ANO1: variants seen among roughly 807,000 people sequenced by gnomAD.
The protein encoded by ANO1 is anoctamin 1, also known as anoctamin-1.
In ANO1, 59 loss-of-function variants were observed where a neutral mutation model predicts 124.0. That is an observed-to-expected ratio of 0.48 (90% CI 0.39 to 0.59). The LOEUF is 0.59. ANO1 is among the 20% of genes least tolerant of loss of function. The pLI, the probability that ANO1 is intolerant of heterozygous loss-of-function variation, is 0.00. For missense variants in ANO1, 1,059 were observed against 1,328.0 expected (o/e 0.80, Z 3.15); for synonymous variants, 529 against 532.0 (o/e 0.99, Z 0.08).
intron 22 of ANO1, among the ~76,000 whole-genome samples, chr11:70,171,791 AC>A (rs1269049601): frequency 6.6e-6 from 1 of 152,042 alleles, no homozygotes; most frequent in East Asian, 1.9e-4. Context: ...ACATGACGAA[AC>A]CCTGTCTCTA....
At chr11:70,035,016 G>A (rs1291954194) in intron 1 of ANO1, among the ~76,000 whole-genome samples, 2 of 151,944 alleles carry the variant, frequency 1.3e-5, no homozygotes, top group Non-Finnish European at 2.9e-5. Flanking sequence ...GGGCTCCTAT[G>A]TTGGGGGACC....
intron 1 of ANO1, among the ~76,000 whole-genome samples, chr11:70,034,718 G>A (rs1284402746): frequency 2.6e-5 from 4 of 152,106 alleles, no homozygotes; most frequent in African/African-American, 9.7e-5. Flanking sequence ...TGAGCAGAGA[G>A]CTAAGGCACT....
chr11:70,182,966 G>A (rs1014116362), intron 24 of ANO1, among the ~76,000 whole-genome samples: 6 of 152,022 alleles, frequency 3.9e-5, no homozygotes, highest in African/African-American at 1.2e-4. Context: ...TTAAATAGCC[G>A]GGCGTTGTGG....
intron 1 of ANO1, among the ~76,000 whole-genome samples, chr11:69,989,439 G>A (rs369484221): frequency 1.5e-4 from 22 of 151,610 alleles, no homozygotes; most frequent in African/African-American, 3.9e-4. Flanking sequence ...GCCCCAGCAC[G>A]TGCGTCTTCT....
At chr11:70,031,805 A>G (rs1231444128) in intron 1 of ANO1, among the ~76,000 whole-genome samples, 2 of 152,126 alleles carry the variant, frequency 1.3e-5, no homozygotes, top group Admixed American at 1.3e-4. Context: ...TCAGGCATCA[A>G]TTTCCTTGGA....
chr11:69,988,598 C>T (rs1326931647), intron 1 of ANO1, among the ~76,000 whole-genome samples: 1 of 152,210 alleles, frequency 6.6e-6, no homozygotes, highest in African/African-American at 2.4e-5. Flanking sequence ...CATTCTCGCT[C>T]CCCTGCAAAA....
intron 1 of ANO1, among the ~76,000 whole-genome samples, chr11:70,045,501 TG>T (rs1565167837): frequency 6.6e-6 from 1 of 152,324 alleles, no homozygotes; most frequent in East Asian, 1.9e-4. Flanking sequence ...TAAAATTCTA[TG>T]ATTGGTGACA....
chr11:70,078,930 A>AGT (rs2044117011), intron 1 of ANO1, among the ~76,000 whole-genome samples: 1 of 151,572 alleles, frequency 6.6e-6, no homozygotes, highest in Non-Finnish European at 1.5e-5. Context: ...GAGCGTTCCG[A>AGT]GCGCGGCGCC....
At chr11:70,149,421 C>T in intron 11 of ANO1, 1 of 386,920 alleles carries the variant, frequency 2.6e-6, no homozygotes, top group South Asian at 2.3e-5. Context: ...GAGGCCAAGG[C>T]AGGTGGATCA....
chr11:70,104,468 C>A (rs777944914), intron 4 of ANO1, among the ~76,000 whole-genome samples: 2 of 152,188 alleles, frequency 1.3e-5, no homozygotes, highest in Non-Finnish European at 2.9e-5. Flanking sequence ...ACCCCATCCC[C>A]CTCCAGTGTC....
intron 16 of ANO1, among the ~76,000 whole-genome samples, chr11:70,158,147 A>C (rs754293753): frequency 1.3e-5 from 2 of 152,252 alleles, no homozygotes; most frequent in African/African-American, 4.8e-5. Context: ...CGATAGTGCT[A>C]CTCAGGGACC....
At chr11:70,178,699 G>A (rs998242125) in intron 22 of ANO1, among the ~76,000 whole-genome samples, 6 of 152,140 alleles carry the variant, frequency 3.9e-5, no homozygotes, top group African/African-American at 1.4e-4. Context: ...GAGTAGCTGG[G>A]ATTACAGGCA....
intron 1 of ANO1, among the ~76,000 whole-genome samples, chr11:70,059,539 G>A (rs1416456057): frequency 5.3e-5 from 8 of 152,186 alleles, no homozygotes; most frequent in Admixed American, 2.6e-4. Context: ...TTACGGACAC[G>A]GGGCATATGA....
intron 5 of ANO1, among the ~76,000 whole-genome samples, chr11:70,107,488 G>GCA (rs1306870367): frequency 8.6e-6 from 1 of 115,952 alleles, no homozygotes; most frequent in Non-Finnish European, 1.9e-5. Flanking sequence ...GTCCAGTGGA[G>GCA]GCGGCGGGGC....
chr11:70,106,825 T>A (rs732848), intron 5 of ANO1, among the ~76,000 whole-genome samples: 114,725 of 152,082 alleles, frequency 0.75, 43,788 homozygotes, highest in Non-Finnish European at 0.8. Flanking sequence ...TGTCCTGGCA[T>A]TGGGGTGGTC....
intron 1 of ANO1, among the ~76,000 whole-genome samples, chr11:70,011,066 C>T (rs150307718): frequency 2.3e-3 from 345 of 152,302 alleles, no homozygotes; most frequent in African/African-American, 7.7e-3. Context: ...GGGGGAGAGT[C>T]TGACATGATA....
At chr11:70,123,365 G>A (rs181356849) in intron 8 of ANO1, among the ~76,000 whole-genome samples, 110 of 152,298 alleles carry the variant, frequency 7.2e-4, no homozygotes, top group African/African-American at 2.6e-3. Context: ...GTTTGTCAGT[G>A]GGGGGTCTCT....
At chr11:70,146,296 C>T (rs925645566) in intron 11 of ANO1, among the ~76,000 whole-genome samples, 7 of 152,190 alleles carry the variant, frequency 4.6e-5, no homozygotes, top group South Asian at 4.1e-4. Flanking sequence ...AATCTATGAA[C>T]GGGAATCCTC....
chr11:70,112,557 T>TC (rs1485566006), intron 7 of ANO1, among the ~76,000 whole-genome samples: 44 of 149,334 alleles, frequency 2.9e-4, no homozygotes, highest in African/African-American at 6.4e-4. Context: ...TCTTTTCTTT[T>TC]TTTTTTTTTT....
Sources: allele counts gnomAD v4.1 joint callset (sites outside exome capture counted in the v4.1 genomes callset), GRCh38; gene constraint gnomAD v4.1.1; transcripts MANE v1.5; gene names NCBI Gene and HGNC (gene_info 2026-07-23, HGNC 2026-07-21).